The following ZCCHC14 variants were observed in gnomAD, a reference collection of about 807,000 sequenced individuals.
ZCCHC14 encodes the protein zinc finger CCHC-type containing 14.
Under a neutral mutation model 85.0 loss-of-function variants are expected in ZCCHC14, and 16 were observed. That is an observed-to-expected ratio of 0.19 (90% confidence interval 0.13 to 0.29). The LOEUF is 0.29. Among genes scored for constraint, ZCCHC14 ranks in the 10% least tolerant of loss-of-function variants. The pLI, the probability that ZCCHC14 is intolerant of heterozygous loss-of-function variation, is 1.00. For synonymous variants in ZCCHC14, 775 were observed against 630.7 expected, an observed-to-expected ratio of 1.23 and a Z score of -3.43; for missense variants, 1,303 against 1,443.5, an observed-to-expected ratio of 0.90 and a Z score of 1.58.
intron 1 of ZCCHC14, among the ~76,000 whole-genome samples, chr16:87,489,684 C>G (rs11117276): frequency 0.35 from 52,966 of 151,952 alleles, 13,516 homozygotes; most frequent in African/African-American, 0.69. Flanking sequence ...TGGGGTGTAG[C>G]GGGGGAGGTG....
intron 2 of ZCCHC14, among the ~76,000 whole-genome samples, chr16:87,443,132 A>T (rs1910266842): frequency 6.6e-6 from 1 of 152,196 alleles, no homozygotes; most frequent in Non-Finnish European, 1.5e-5. Context: ...GATGGTTGAA[A>T]ACAAAAATCA....
Position 87,492,936 on chromosome 16 carries a change from C to CGGCGACGGCGACGGCGGAGGA in ZCCHC14, c.-719_-699dup, listed in dbSNP as rs1912850936. 6.7e-6 allele frequency among the ~76,000 whole-genome samples: 1 copy of CGGCGACGGCGACGGCGGAGGA among 148,954 alleles called. No homozygotes were observed. Among genetic ancestry groups the CGGCGACGGCGACGGCGGAGGA allele is most frequent in the Non-Finnish European group, 1.5e-5 (1 of 67,402 alleles). ...GCGGCGGCGGCGACGGCGACGGCGA[C>CGGCGACGGCGACGGCGGAGGA]GGCGACGGCGACGGCGGAGGAGGCG... On this transcript the variant is annotated 5_prime_UTR_variant, in exon 1 of 13. Transcript: ENST00000671377. The surrounding 1 kb of genome is among the most constrained non-coding windows in gnomAD (Gnocchi z 6.7).
At chr16:87,410,786 G>A (rs746844832) in intron 12 of ZCCHC14, among the ~76,000 whole-genome samples, 11 of 152,286 alleles carry the variant, frequency 7.2e-5, no homozygotes, top group Admixed American at 2.6e-4. Context: ...GTCAGCAGGC[G>A]TGTTTCTAAA....
At chr16:87,477,062 T>G (rs1043949130) in intron 1 of ZCCHC14, among the ~76,000 whole-genome samples, 1 of 139,188 alleles carries the variant, frequency 7.2e-6, no homozygotes, top group Non-Finnish European at 1.5e-5. Flanking sequence ...GAGGCAGAGG[T>G]TGCAGTGAGC....
intron 10 of ZCCHC14, among the ~76,000 whole-genome samples, chr16:87,413,577 T>C (rs1173043270): frequency 5.9e-5 from 9 of 151,876 alleles, no homozygotes. Flanking sequence ...GCCAGGTTTT[T>C]TTTTTTCCCT....
rs1567548666 is a variant in ZCCHC14, at chr16:87,491,441, T to TTGGGATGTACGGC, written c.570+227_570+228insGCCGTACATCCCA. On this transcript the variant is annotated intron_variant, in intron 1 of 12. Coordinates refer to ENST00000671377, the MANE Select transcript of ZCCHC14 (RefSeq NM_015144.3). The surrounding 1 kb of genome is among the most constrained non-coding windows in gnomAD (Gnocchi z 5.9). ...TACGGCGGAGGCTTGGGATGTACGG[T>TTGGGATGTACGGC]GGAGGCTTGGAGAGGTGGGGCACAC... Among the ~76,000 whole-genome samples the TTGGGATGTACGGC allele has an allele frequency of 6.7e-6, 1 of 149,474 alleles. No individual in the cohort carries two copies. The highest frequency in any genetic ancestry group is 2.5e-5 in the African/African-American group (1 of 39,758).
chr16:87,417,850 G>C, intron 7 of ZCCHC14, 108 bp from the exon 8 acceptor site: 2 of 1,370,808 alleles, frequency 1.5e-6, no homozygotes, highest in South Asian at 3.0e-5. Flanking sequence ...CTGCCTCTTG[G>C]CCGGCCCTGT....
intron 7 of ZCCHC14, 89 bp from the exon 8 acceptor site, chr16:87,417,831 T>G: frequency 7.1e-7 from 1 of 1,415,102 alleles, no homozygotes; most frequent in Non-Finnish European, 9.3e-7. Flanking sequence ...GGCCTTTCTG[T>G]GCCAGCCTCT....
Position 87,407,476 on chromosome 16 carries a change from GAAA to G in ZCCHC14, c.*2801_*2803del, listed in dbSNP as rs1016068602. 7 of 152,106 alleles carry G rather than the reference GAAA, an allele frequency of 4.6e-5. No individual in the cohort carries two copies. The highest frequency in any genetic ancestry group is 6.5e-5 in the Admixed American group (1 of 15,268). The allele number at this position is 152,106 out of a possible 1,614,324, so 9.4% of individuals were successfully genotyped here. On this transcript the variant is annotated 3_prime_UTR_variant, in exon 13 of 13. Transcript: ENST00000671377. Reference sequence around the variant, plus strand: ...CAGTATTACCATGAAATCAACATTAGAAAATAAGGTAGAAAACTGAGTGTTTTG... The same window carrying G: ...CAGTATTACCATGAAATCAACATTAGATAAGGTAGAAAACTGAGTGTTTTG...
Position 87,417,455 on chromosome 16 carries a change from C to T in ZCCHC14, c.1383+5G>A, listed in dbSNP as rs1267767984. The T allele has an allele frequency of 1.2e-6, 2 of 1,612,414 alleles. No individual in the cohort carries two copies. Among genetic ancestry groups the T allele is most frequent in the Non-Finnish European group, 1.7e-6 (2 of 1,178,560 alleles). On this transcript the variant is annotated splice_donor_5th_base_variant and intron_variant, in intron 8 of 12. Coordinates refer to ENST00000671377, the MANE Select transcript of ZCCHC14 (RefSeq NM_015144.3). ...TCTGTACGGCCAGCCAGAAAACCGA[C>T]ATACCTTCTCCATGGAGAGCTGCTT...
chr16:87,419,935 G>C (rs1325999693), intron 5 of ZCCHC14, 58 bp from the exon 6 acceptor site: 1 of 1,452,996 alleles, frequency 6.9e-7, no homozygotes. Context: ...CTGACGAATT[G>C]AAAGAAAAAA....
Position 87,491,703 on chromosome 16 carries a change from C to T in ZCCHC14, c.536G>A (p.Gly179Asp). 6.8e-7 allele frequency: 1 copy of T among 1,480,276 alleles called. No individual in the cohort carries two copies. Among genetic ancestry groups the T allele is most frequent in the East Asian group, 2.7e-5 (1 of 36,646 alleles). 91.7% of individuals were successfully genotyped at this position (1,480,276 alleles called of 1,614,324 possible). Residue 179 changes from glycine to aspartate, a missense_variant, in exon 1 of 13, where the codon GGC (glycine) becomes GAC (aspartate). Around this residue, in one of 7 missense-constraint regions of ZCCHC14, gnomAD observed 389 missense variants for 397.8 expected, o/e 0.98. Transcript: ENST00000671377. This position sits in a 1 kb window ranked among gnomAD's most constrained non-coding sequence, Gnocchi z 5.9. ...GGCTGGGCAAGTGGGCAGCGCGCCG[C>T]CCGGCCCGGGCGCGCCCTTGCCGCC... ...GHGGKGAPGP[G>D]GALPTCPACH...
At chr16:87,473,696 C>G (rs1567540830) in intron 1 of ZCCHC14, 1 of 152,030 alleles carries the variant, frequency 6.6e-6, no homozygotes, top group Non-Finnish European at 1.5e-5. Context: ...ATGGACCATT[C>G]AAAGCAGTGA....
At chr16:87,426,750 G>T (rs1159195609) in intron 3 of ZCCHC14, among the ~76,000 whole-genome samples, 1 of 152,252 alleles carries the variant, frequency 6.6e-6, no homozygotes, top group East Asian at 1.9e-4. Context: ...CCAGCACAGA[G>T]ACAGGCAAAG....
intron 1 of ZCCHC14, among the ~76,000 whole-genome samples, chr16:87,489,821 A>C (rs564434204): frequency 6.6e-6 from 1 of 152,316 alleles, no homozygotes; most frequent in Admixed American, 6.5e-5. Context: ...TCAAAATAAT[A>C]ATCACCACTG....
intron 2 of ZCCHC14, among the ~76,000 whole-genome samples, chr16:87,440,068 C>T (rs768358147): frequency 4.6e-5 from 7 of 152,200 alleles, no homozygotes; most frequent in African/African-American, 1.2e-4. Flanking sequence ...CAGCTTTCTA[C>T]GCAGCCAAGA....
chr16:87,442,979 C>A (rs1034276193), intron 2 of ZCCHC14, among the ~76,000 whole-genome samples: 3 of 152,176 alleles, frequency 2.0e-5, no homozygotes, highest in Non-Finnish European at 4.4e-5. Context: ...TCTGAAAGAA[C>A]TGCTAAAGTT....
At chr16:87,427,058 G>T (rs868149334) in intron 3 of ZCCHC14, among the ~76,000 whole-genome samples, 1 of 152,260 alleles carries the variant, frequency 6.6e-6, no homozygotes, top group African/African-American at 2.4e-5. Context: ...AGATGTGGGG[G>T]AAGGAGCAGC....
At chr16:87,484,435 G>A (rs986903125) in intron 1 of ZCCHC14, among the ~76,000 whole-genome samples, 3 of 152,228 alleles carry the variant, frequency 2.0e-5, no homozygotes, top group East Asian at 1.9e-4. Context: ...GCAGGTCACA[G>A]GACGCTGAGG....
Sources: allele counts gnomAD v4.1 joint callset (sites outside exome capture counted in the v4.1 genomes callset), GRCh38; gene constraint gnomAD v4.1.1; regional missense constraint gnomAD v4.1.1; non-coding constraint Gnocchi (gnomAD v3.1); transcripts MANE v1.5; gene names NCBI Gene and HGNC (gene_info 2026-07-23, HGNC 2026-07-21).